Variants in LMOD1 observed in about 807,000 individuals in gnomAD.
LMOD1 encodes leiomodin-1.
LMOD1 carries 8 observed loss-of-function variants against 36.5 expected under a neutral mutation model. The observed-to-expected ratio is 0.22, with a 90% confidence interval of 0.13 to 0.40. LMOD1 has a LOEUF of 0.40. LMOD1 is among the 10% of genes least tolerant of loss of function. The pLI is 1.00. For missense variants in LMOD1, 630 were observed against 751.1 expected, an observed-to-expected ratio of 0.84 and a Z score of 1.88; for synonymous variants, 284 against 288.7, an observed-to-expected ratio of 0.98 and a Z score of 0.17.
In LMOD1 at chr1:201,899,125, A is replaced by C. The variant is rs1193417673; in HGVS notation, c.1776+112T>G. ...TCCCCTATGGGCCCTGGGAGTCTAT[A>C]TCATCTGCAGCCGACATAAGCTCCT... On this transcript the variant is annotated intron_variant, in intron 2 of 2. Coordinates refer to ENST00000367288, the MANE Select transcript of LMOD1 (RefSeq NM_012134.3). This position sits in a 1 kb window ranked among gnomAD's most constrained non-coding sequence, Gnocchi z 6.3. The C allele has an allele frequency of 4.0e-6, 4 of 991,188 alleles. No individual in the cohort carries two copies. Among genetic ancestry groups the C allele is most frequent in the African/African-American group, 1.6e-5 (1 of 60,896 alleles). 61.4% of individuals were successfully genotyped at this position (991,188 alleles called of 1,614,324 possible). A position where few individuals can be genotyped will look rare whatever the true frequency, so the allele number is the denominator to read the frequency against.
At position 201,930,589 on chromosome 1, in the gene LMOD1, A is replaced by G. The variant is rs1245741074; in HGVS notation, c.261+15491T>C. Among the ~76,000 whole-genome samples, 3 of 152,232 alleles carry G rather than the reference A, an allele frequency of 2.0e-5. No homozygotes were observed. In the East Asian group the frequency reaches 5.8e-4, roughly 29 times the overall value. On this transcript the variant is annotated intron_variant, in intron 1 of 2. Coordinates refer to ENST00000367288, the MANE Select transcript of LMOD1 (RefSeq NM_012134.3). ...GTGACGATGATTAATTTATTTGCAGACCAGTTGAATTTGAGACACTTGAGG... is the reference window on the plus strand; with the variant it reads ...GTGACGATGATTAATTTATTTGCAGGCCAGTTGAATTTGAGACACTTGAGG...
chr1:201,934,423 T>A (rs781086753), intron 1 of LMOD1, among the ~76,000 whole-genome samples: 2 of 152,204 alleles, frequency 1.3e-5, no homozygotes, highest in Non-Finnish European at 1.5e-5. Context: ...AGTGATTACC[T>A]GCTGCTGAGA....
intron 1 of LMOD1, among the ~76,000 whole-genome samples, chr1:201,912,057 T>C (rs1018349229): frequency 2.0e-5 from 3 of 152,084 alleles, no homozygotes; most frequent in East Asian, 3.9e-4. Context: ...AGTCTGCTAA[T>C]GTATGTGGAG....
chr1:201,900,620 C>A lies in LMOD1; in HGVS notation c.393G>T (p.Lys131Asn). Residue 131 changes from lysine (K) to asparagine (N), a missense_variant, in exon 2 of 3, where the codon AAG (lysine) becomes AAT (asparagine). By Grantham distance (94) the Lys-to-Asn change is moderately conservative. Around this residue, in one of 3 missense-constraint regions of LMOD1, gnomAD observed 405 missense variants for 400.6 expected, o/e 1.01. Transcript: ENST00000367288. ...LGKEPKRGGL[K>N]KSFSRDRDEA... ...CATCTCTGTCTCTAGAGAAGCTTTT[C>A]TTTAAACCACCCCTCTTTGGCTCCT... 1 of 1,613,928 alleles carries A rather than the reference C, an allele frequency of 6.2e-7. No homozygotes were observed. The highest frequency in any genetic ancestry group is 8.5e-7 in the Non-Finnish European group (1 of 1,179,890).
chr1:201,927,701 A>T (rs1170511566), intron 1 of LMOD1, among the ~76,000 whole-genome samples: 1 of 152,194 alleles, frequency 6.6e-6, no homozygotes, highest in Admixed American at 6.5e-5. Flanking sequence ...GGTAGGTGAG[A>T]TGATCCACCT....
chr1:201,944,539 G>A (rs16849456), intron 1 of LMOD1, among the ~76,000 whole-genome samples: 5 of 152,068 alleles, frequency 3.3e-5, no homozygotes, highest in African/African-American at 9.7e-5. Flanking sequence ...TAGCTGTGTT[G>A]GGGTACCGGG....
In LMOD1 at chr1:201,899,531, A is replaced by G. The variant is rs754329794; in HGVS notation, c.1482T>C (p.Asp494=). 4 of 1,613,662 alleles carry G rather than the reference A, an allele frequency of 2.5e-6. No individual in the cohort carries two copies. In the African/African-American group the frequency reaches 4.0e-5, roughly 16 times the overall value. ...CCCCGGCCTTGGGTACCTCCAGCAG[A>G]TCCTTCTTCTCTCCCTTGGCTTCCT... ...QAQEAKGEKK[D]LLEVPKAGAV... Residue 494 remains aspartate (D), a synonymous_variant, in exon 2 of 3, where the codon GAT becomes GAC. Transcript: ENST00000367288. The surrounding 1 kb of genome is among the most constrained non-coding windows in gnomAD (Gnocchi z 6.3).
chr1:201,928,668 G>T (rs552616387), intron 1 of LMOD1, among the ~76,000 whole-genome samples: 5 of 152,290 alleles, frequency 3.3e-5, no homozygotes, highest in African/African-American at 1.2e-4. Flanking sequence ...CCAGATGATG[G>T]GAGCTAAAGG....
At chr1:201,925,806 G>A (rs1169995653) in intron 1 of LMOD1, among the ~76,000 whole-genome samples, 2 of 151,870 alleles carry the variant, frequency 1.3e-5, no homozygotes, top group Non-Finnish European at 2.9e-5. Context: ...CCAGGCTCAA[G>A]TGATCCTCCC....
In LMOD1 at chr1:201,946,380, T is replaced by G. The variant is rs1199892005; in HGVS notation, c.-40A>C. The G allele has an allele frequency of 6.2e-7, 1 of 1,600,874 alleles. No individual in the cohort carries two copies. The highest frequency in any genetic ancestry group is 8.5e-7 in the Non-Finnish European group (1 of 1,172,090). ...CTGTGGCTGCCAGGGGCTATCAGAG[T>G]CCTGGTGGGCAGGGAAGGGAGAGGG... On this transcript the variant is annotated 5_prime_UTR_variant, in exon 1 of 3. Transcript: ENST00000367288.
In LMOD1 at chr1:201,946,362, T is replaced by C. The variant is rs1444996892; in HGVS notation, c.-22A>G. On this transcript the variant is annotated 5_prime_UTR_variant, in exon 1 of 3. Coordinates refer to ENST00000367288, the MANE Select transcript of LMOD1 (RefSeq NM_012134.3). Reference sequence around the variant, plus strand: ...ACATCTTGGCAAAATGGGCTGTGGCTGCCAGGGGCTATCAGAGTCCTGGTG... The same window carrying C: ...ACATCTTGGCAAAATGGGCTGTGGCCGCCAGGGGCTATCAGAGTCCTGGTG... 1.9e-6 allele frequency: 3 copies of C among 1,609,828 alleles called. No individual in the cohort carries two copies. Among genetic ancestry groups the C allele is most frequent in the Admixed American group, 3.3e-5 (2 of 59,852 alleles).
intron 1 of LMOD1, among the ~76,000 whole-genome samples, chr1:201,945,617 G>A (rs1481753760): frequency 3.3e-5 from 5 of 152,146 alleles, no homozygotes. Context: ...GATGCCCATA[G>A]GGTTGGGGAC....
chr1:201,898,603 A>C (rs1267612876), intron 2 of LMOD1, among the ~76,000 whole-genome samples: 1 of 152,174 alleles, frequency 6.6e-6, no homozygotes, highest in African/African-American at 2.4e-5. Flanking sequence ...ATTTTCCTTT[A>C]TCTCATGATA....
intron 1 of LMOD1, among the ~76,000 whole-genome samples, chr1:201,931,516 C>T (rs58591260): frequency 0.064 from 7,750 of 120,966 alleles, 404 homozygotes; most frequent in East Asian, 0.3. Flanking sequence ...CCAGCCTGGG[C>T]GACATAATGA....
At chr1:201,929,670 G>A (rs1365282324) in intron 1 of LMOD1, among the ~76,000 whole-genome samples, 6 of 152,160 alleles carry the variant, frequency 3.9e-5, no homozygotes, top group Non-Finnish European at 8.8e-5. Context: ...TACAAATTTT[G>A]TAGATTCAAT....
chr1:201,936,096 CAAAAAA>C (rs61077548), intron 1 of LMOD1, among the ~76,000 whole-genome samples: 5 of 73,092 alleles, frequency 6.8e-5, no homozygotes, highest in Middle Eastern at 7.1e-3. Context: ...GACCTTGTCT[CAAAAAA>C]AAAAAAAAAA....
At chr1:201,914,946 C>T (rs1333139469) in intron 1 of LMOD1, among the ~76,000 whole-genome samples, 1 of 152,170 alleles carries the variant, frequency 6.6e-6, no homozygotes, top group Non-Finnish European at 1.5e-5. Flanking sequence ...TATACCCAAA[C>T]TTCCTCAAAG....
At chr1:201,903,143 C>T (rs925459501) in intron 1 of LMOD1, among the ~76,000 whole-genome samples, 6 of 152,208 alleles carry the variant, frequency 3.9e-5, no homozygotes, top group Admixed American at 1.3e-4. Context: ...CTCCGCTCTT[C>T]GCCGAGGGAA....
intron 1 of LMOD1, among the ~76,000 whole-genome samples, chr1:201,919,347 G>A (rs1681661571): frequency 1.3e-5 from 2 of 152,020 alleles, no homozygotes; most frequent in African/African-American, 4.8e-5. Flanking sequence ...TGGGATTACA[G>A]GTGCCCACCA....
Sources: allele counts gnomAD v4.1 joint callset (sites outside exome capture counted in the v4.1 genomes callset), GRCh38; gene constraint gnomAD v4.1.1; regional missense constraint gnomAD v4.1.1; non-coding constraint Gnocchi (gnomAD v3.1); transcripts MANE v1.5; gene names NCBI Gene and HGNC (gene_info 2026-07-23, HGNC 2026-07-21).